Variants in CPB2 observed in about 807,000 individuals in gnomAD.
CPB2 encodes the protein carboxypeptidase B2, also known as carboxypeptidase B-like protein.
Under a neutral mutation model 57.0 loss-of-function variants are expected in CPB2, and 54 were observed. The ratio of observed to expected loss-of-function variants is 0.95; its 90% CI spans 0.76 to 1.19. The LOEUF (loss-of-function observed/expected upper bound fraction) is 1.19, where lower values mean the gene tolerates loss of function less well. CPB2 is among the 50% of genes most tolerant of loss of function. The pLI is 0.00. For synonymous variants in CPB2, 189 were observed against 178.1 expected, an observed-to-expected ratio of 1.06 and a Z score of -0.49; for missense variants, 426 against 512.0, an observed-to-expected ratio of 0.83 and a Z score of 1.62.
intron 3 of CPB2, among the ~76,000 whole-genome samples, chr13:46,083,538 C>A (rs1389343556): frequency 6.6e-6 from 1 of 152,088 alleles, no homozygotes; most frequent in African/African-American, 2.4e-5. Context: ...AAGGTACTGG[C>A]AGTTGGGCAG....
chr13:46,099,906 T>A (rs1191514309), intron 1 of CPB2: 2 of 152,042 alleles, frequency 1.3e-5, no homozygotes, highest in African/African-American at 4.8e-5. Context: ...ACACCTGTAG[T>A]CCCAGCTACT....
At chr13:46,057,329 G>A (rs923664821) in intron 9 of CPB2, among the ~76,000 whole-genome samples, 1 of 152,128 alleles carries the variant, frequency 6.6e-6, no homozygotes, top group African/African-American at 2.4e-5. Context: ...TTCAGAGAAT[G>A]CAAATAATCT....
chr13:46,100,595 A>T (rs905495960), intron 1 of CPB2: 11 of 152,178 alleles, frequency 7.2e-5, no homozygotes, highest in African/African-American at 2.7e-4. Flanking sequence ...CTTCCAGGAG[A>T]TAATGAGAGA....
At chr13:46,081,717 T>C (rs968969378) in intron 4 of CPB2, among the ~76,000 whole-genome samples, 1 of 152,242 alleles carries the variant, frequency 6.6e-6, no homozygotes, top group Non-Finnish European at 1.5e-5. Context: ...TATAGCTGCA[T>C]ACTCATAAAA....
chr13:46,054,119 C>G (rs1478465418), intron 10 of CPB2, among the ~76,000 whole-genome samples: 1 of 152,174 alleles, frequency 6.6e-6, no homozygotes, highest in Non-Finnish European at 1.5e-5. Flanking sequence ...CCCATTTCCC[C>G]TTCCCATACC....
chr13:46,084,449 G>C (rs1247921977), intron 2 of CPB2, 106 bp from the exon 3 acceptor site: 3 of 1,221,882 alleles, frequency 2.5e-6, no homozygotes, highest in Non-Finnish European at 3.4e-6. Flanking sequence ...GTATGAAAAG[G>C]ACACTCCCTG....
At chr13:46,088,914 T>C (rs1161425947) in intron 1 of CPB2, among the ~76,000 whole-genome samples, 1 of 151,918 alleles carries the variant, frequency 6.6e-6, no homozygotes, top group Admixed American at 6.5e-5. Context: ...TAATTTCTTG[T>C]CAGTTATATG....
intron 3 of CPB2, 134 bp downstream of exon 3, chr13:46,084,085 T>A: frequency 9.5e-7 from 1 of 1,057,464 alleles, no homozygotes; most frequent in Non-Finnish European, 1.4e-6. Context: ...CCAGTCCATT[T>A]GGTCCAGTCA....
At position 46,067,395 on chromosome 13, in the gene CPB2, A is replaced by G. The variant is rs750044663; in HGVS notation, c.614T>C (p.Ile205Thr). ...IGHITQFYGI[I>T]GQYTNLLRLV... Reference sequence around the variant, plus strand: ...CCTCAGGAGATTGGTATATTGCCCTATTATCCCATAGAATTGAGTTATCTG... The same window carrying G: ...CCTCAGGAGATTGGTATATTGCCCTGTTATCCCATAGAATTGAGTTATCTG... The change falls in exon 7 of 11, where the codon ATA becomes ACA. Residue 205 changes from isoleucine (I) to threonine (T), a missense_variant. Physicochemically the swap from Ile to Thr is moderately conservative, Grantham distance 89. Coordinates refer to ENST00000181383, the MANE Select transcript of CPB2 (RefSeq NM_001872.5). 5.1e-6 allele frequency: 8 copies of G among 1,578,608 alleles called. No homozygotes were observed. In the East Asian group the frequency reaches 1.3e-4, roughly 27 times the overall value.
Position 46,053,348 on chromosome 13 carries a change from G to A in CPB2, c.*266C>T, listed in dbSNP as rs2044607915. Reference sequence around the variant, plus strand: ...GATGGCTAGTCAAACGTCGAAACTTGCTTGAGATGGCTAGTCAAACGTCGA... The same window carrying A: ...GATGGCTAGTCAAACGTCGAAACTTACTTGAGATGGCTAGTCAAACGTCGA... On this transcript the variant is annotated 3_prime_UTR_variant, in exon 11 of 11. Coordinates refer to ENST00000181383, the MANE Select transcript of CPB2 (RefSeq NM_001872.5). 2.5e-5 allele frequency: 8 copies of A among 318,648 alleles called. No homozygotes were observed. The South Asian group carries it at 6.2e-4, about 25-fold the overall frequency. The allele number at this position is 318,648 out of a possible 1,614,324, so 19.7% of individuals were successfully genotyped here. A position where few individuals can be genotyped will look rare whatever the true frequency, so the allele number is the denominator to read the frequency against.
At chr13:46,091,428 A>C (rs1028645777) in intron 1 of CPB2, among the ~76,000 whole-genome samples, 1 of 152,202 alleles carries the variant, frequency 6.6e-6, no homozygotes, top group African/African-American at 2.4e-5. Context: ...GATAAAATGC[A>C]TGATTCCTAA....
Position 46,058,252 on chromosome 13 carries a change from A to C in CPB2, c.926T>G (p.Met309Arg). 6.2e-7 allele frequency: 1 copy of C among 1,614,092 alleles called. No homozygotes were observed. The part of the protein sequence containing the change: ...NINQIKAYIS[M>R]HSYSQHIVFP... ...CACTATATGCTGGGAGTATGAATGC[A>C]TGCTGATGTATGCTTTAATCTGGTT... The change falls in exon 9 of 11, where the codon ATG becomes AGG. Residue 309 changes from methionine (M) to arginine (R), a missense_variant. Coordinates refer to ENST00000181383, the MANE Select transcript of CPB2 (RefSeq NM_001872.5).
chr13:46,089,752 C>A (rs559654983), intron 1 of CPB2, among the ~76,000 whole-genome samples: 1 of 152,076 alleles, frequency 6.6e-6, no homozygotes, highest in African/African-American at 2.4e-5. Context: ...GAATATATAG[C>A]GGGAAGGTTC....
intron 5 of CPB2, among the ~76,000 whole-genome samples, chr13:46,074,765 T>G (rs2044995974): frequency 6.6e-6 from 1 of 152,184 alleles, no homozygotes; most frequent in South Asian, 2.1e-4. Flanking sequence ...TGGGGCAGAG[T>G]TGGGGTGGAA....
At chr13:46,072,219 A>C (rs1180739848) in intron 6 of CPB2, among the ~76,000 whole-genome samples, 1 of 152,166 alleles carries the variant, frequency 6.6e-6, no homozygotes, top group African/African-American at 2.4e-5. Context: ...GATTTTTGAA[A>C]TCCTTATTGA....
rs1349464846 is a variant in CPB2 at position 46,082,563 on chromosome 13, CAG to C, written c.276-16_276-15del. 4 of 1,558,176 alleles carry C rather than the reference CAG, an allele frequency of 2.6e-6. No homozygotes were observed. Among genetic ancestry groups the C allele is most frequent in the East Asian group, 2.2e-5 (1 of 44,518 alleles). ...GCCAGCAAGACACTAGGTGATGAAA[CAG>C]AGAGTGAGCTAGTTTCCAAGCAGAG... On this transcript the variant is annotated splice_polypyrimidine_tract_variant and intron_variant, in intron 3 of 10. Transcript: ENST00000181383.
In CPB2 at chr13:46,085,670, ATCC is replaced by A. The variant is rs1194204767; in HGVS notation, c.151-1330_151-1328del. Among the ~76,000 whole-genome samples, 15 of 152,272 alleles carry A rather than the reference ATCC, an allele frequency of 9.9e-5. No individual in the cohort carries two copies. The East Asian group carries it at 2.3e-3, about 24-fold the overall frequency. On this transcript the variant is annotated intron_variant, in intron 2 of 10. Coordinates refer to ENST00000181383, the MANE Select transcript of CPB2 (RefSeq NM_001872.5). ...TCTGCCTTCTCCAGCTCCCGCCTCT[ATCC>A]TCCAACAGCATTCCCCTCATCGCTT...
intron 1 of CPB2, chr13:46,101,412 G>A (rs368773396): frequency 6.6e-6 from 1 of 152,134 alleles, no homozygotes; most frequent in East Asian, 1.9e-4. Context: ...CTTGGTTGGA[G>A]GTGACATTCT....
intron 1 of CPB2, among the ~76,000 whole-genome samples, chr13:46,102,048 G>A (rs2045440786): frequency 6.6e-6 from 1 of 152,196 alleles, no homozygotes; most frequent in Admixed American, 6.5e-5. Flanking sequence ...TGTTCTTTGA[G>A]ATGAAAACAA....
Sources: allele counts gnomAD v4.1 joint callset (sites outside exome capture counted in the v4.1 genomes callset), GRCh38; gene constraint gnomAD v4.1.1; transcripts MANE v1.5; gene names NCBI Gene and HGNC (gene_info 2026-07-23, HGNC 2026-07-21).